Variants in SGCZ observed in about 807,000 individuals in gnomAD.
The protein encoded by SGCZ is zeta-sarcoglycan.
In SGCZ, 40 loss-of-function variants were observed where a neutral mutation model predicts 41.3. The ratio of observed to expected loss-of-function variants is 0.97; its 90% CI spans 0.75 to 1.26. SGCZ has a LOEUF of 1.26. Among genes scored for constraint, SGCZ ranks in the 50% most tolerant of loss-of-function variants. The pLI is 0.00. For synonymous variants in SGCZ, 206 were observed against 137.5 expected (o/e 1.50, Z -3.49); for missense variants, 552 against 369.8 (o/e 1.49, Z -4.04).
In SGCZ at chr8:15,154,632, G is replaced by C. The variant is rs1249920077; in HGVS notation, c.39+82953C>G. Among the ~76,000 whole-genome samples the C allele has an allele frequency of 4.6e-5, 7 of 152,298 alleles. No individual in the cohort carries two copies. In the South Asian group the frequency reaches 1.5e-3, roughly 32 times the overall value. On this transcript the variant is annotated intron_variant, in intron 1 of 7. Transcript: ENST00000382080. Reference sequence around the variant, plus strand: ...ATGCTCTGAGTTGTAAGTAACAGGTGATCAATATTTTGTAAAGAAAATTAA... The same window carrying C: ...ATGCTCTGAGTTGTAAGTAACAGGTCATCAATATTTTGTAAAGAAAATTAA...
At chr8:14,254,935 G>C (rs1201647331) in intron 3 of SGCZ, among the ~76,000 whole-genome samples, 2 of 152,122 alleles carry the variant, frequency 1.3e-5, no homozygotes, top group South Asian at 4.1e-4. Flanking sequence ...ATCTCTTCCT[G>C]ATCCACAAAG....
intron 2 of SGCZ, among the ~76,000 whole-genome samples, chr8:14,525,419 G>T (rs1168577440): frequency 6.6e-6 from 1 of 151,968 alleles, no homozygotes; most frequent in Non-Finnish European, 1.5e-5. Flanking sequence ...TTTTAAAAAA[G>T]ATTATTATGT....
intron 1 of SGCZ, among the ~76,000 whole-genome samples, chr8:14,582,333 C>T (rs62498443): frequency 0.17 from 26,122 of 151,906 alleles, 2,716 homozygotes; most frequent in Non-Finnish European, 0.23. Flanking sequence ...GGGATCAGCA[C>T]CCCTAACCCT....
At chr8:14,162,204 A>C (rs1804068250) in intron 5 of SGCZ, among the ~76,000 whole-genome samples, 1 of 152,182 alleles carries the variant, frequency 6.6e-6, no homozygotes, top group African/African-American at 2.4e-5. Flanking sequence ...TATCAGAAGA[A>C]GTGAAAATTC....
chr8:14,101,292 G>C lies in SGCZ; in HGVS notation c.744+1084C>G, dbSNP rs376873925. 9.2e-5 allele frequency among the ~76,000 whole-genome samples: 11 copies of C among 119,040 alleles called. No individual in the cohort carries two copies. In the South Asian group the frequency reaches 1.4e-3, roughly 16 times the overall value. 78.1% of individuals were successfully genotyped at this position (119,040 alleles called of 152,430 possible). The stretch of plus-strand genomic sequence containing the variant: ...AGAGAAAGAAACTGGGAAGGAGAGG[G>C]TAAGAGATGTGGAAGGTGTGAAAAT... On this transcript the variant is annotated intron_variant, in intron 7 of 7. Coordinates refer to ENST00000382080, the MANE Select transcript of SGCZ (RefSeq NM_139167.4).
At chr8:14,485,581 G>A (rs573746965) in intron 2 of SGCZ, among the ~76,000 whole-genome samples, 2 of 152,164 alleles carry the variant, frequency 1.3e-5, no homozygotes, top group African/African-American at 4.8e-5. Flanking sequence ...CATTAAGGTA[G>A]GCCCTGATGG....
chr8:14,127,496 C>A (rs1442699994), intron 5 of SGCZ, among the ~76,000 whole-genome samples: 3 of 152,080 alleles, frequency 2.0e-5, no homozygotes, highest in Non-Finnish European at 4.4e-5. Context: ...CACTGTGTCA[C>A]CCAGGCTGGA....
intron 1 of SGCZ, among the ~76,000 whole-genome samples, chr8:14,578,044 T>C (rs1188706369): frequency 6.6e-6 from 1 of 152,176 alleles, no homozygotes; most frequent in Non-Finnish European, 1.5e-5. Flanking sequence ...ACTTTCACAA[T>C]CCTTGTGCAC....
chr8:14,810,337 G>C (rs535889751), intron 1 of SGCZ, among the ~76,000 whole-genome samples: 1 of 152,010 alleles, frequency 6.6e-6, no homozygotes, highest in Admixed American at 6.6e-5. Flanking sequence ...TTGAAGCAAT[G>C]AGAAAGATCA....
rs1218649910 is a variant in SGCZ at position 15,097,864 on chromosome 8, G to GTATA, written c.39+139720_39+139721insTATA. On this transcript the variant is annotated intron_variant, in intron 1 of 7. Coordinates refer to ENST00000382080, the MANE Select transcript of SGCZ (RefSeq NM_139167.4). ...TGTGTATATATATATATACGTGTGT[G>GTATA]TGTATATATATATATATACGTGTGT... 3.8e-3 allele frequency among the ~76,000 whole-genome samples: 140 copies of GTATA among 36,638 alleles called. 10 individuals carry two copies. Among genetic ancestry groups the GTATA allele is most frequent in the South Asian group, 0.019 (23 of 1,180 alleles). The allele number at this position is 36,638 out of a possible 152,430, so 24.0% of individuals were successfully genotyped here.
chr8:15,075,349 G>A (rs917786583), intron 1 of SGCZ, among the ~76,000 whole-genome samples: 1 of 152,000 alleles, frequency 6.6e-6, no homozygotes, highest in African/African-American at 2.4e-5. Flanking sequence ...ATTCCCAAAT[G>A]GCATTCATTT....
At chr8:14,659,299 ATT>A (rs1406022005) in intron 1 of SGCZ, among the ~76,000 whole-genome samples, 6 of 152,154 alleles carry the variant, frequency 3.9e-5, no homozygotes, top group Non-Finnish European at 8.8e-5. Context: ...GATTAACCCG[ATT>A]TGATCATCAC....
At chr8:14,823,847 A>G (rs1470210857) in intron 1 of SGCZ, among the ~76,000 whole-genome samples, 18 of 152,324 alleles carry the variant, frequency 1.2e-4, no homozygotes, top group African/African-American at 4.1e-4. Context: ...TAACAGATGA[A>G]TGGGTAAAGA....
chr8:15,132,124 G>C (rs375663520), intron 1 of SGCZ, among the ~76,000 whole-genome samples: 1 of 152,162 alleles, frequency 6.6e-6, no homozygotes, highest in East Asian at 1.9e-4. Flanking sequence ...TTAATTACAA[G>C]TCATTGTCTT....
chr8:14,325,060 C>T (rs772791257), intron 2 of SGCZ, among the ~76,000 whole-genome samples: 4 of 152,014 alleles, frequency 2.6e-5, no homozygotes, highest in Non-Finnish European at 5.9e-5. Context: ...AAAGGAAAGC[C>T]ATACATATAA....
intron 1 of SGCZ, among the ~76,000 whole-genome samples, chr8:15,132,027 T>A (rs745590582): frequency 2.5e-4 from 38 of 152,226 alleles, no homozygotes; most frequent in Non-Finnish European, 4.4e-4. Flanking sequence ...AACAAATGTA[T>A]AATCATAATT....
chr8:14,313,562 C>T (rs1801615199), intron 3 of SGCZ, among the ~76,000 whole-genome samples: 1 of 152,150 alleles, frequency 6.6e-6, no homozygotes, highest in Non-Finnish European at 1.5e-5. Context: ...AATGATCTGC[C>T]TGACCTCAAG....
rs1030297442 is a variant in SGCZ at position 14,941,184 on chromosome 8, T to G, written c.39+296401A>C. Among the ~76,000 whole-genome samples the G allele has an allele frequency of 2.0e-5, 3 of 151,986 alleles. No homozygotes were observed. In the South Asian group the frequency reaches 6.2e-4, roughly 32 times the overall value. On this transcript the variant is annotated intron_variant, in intron 1 of 7. Transcript: ENST00000382080. The stretch of plus-strand genomic sequence containing the variant: ...GAAGTACCACAGGTATTGCAGAAAA[T>G]TTTCCAATATAACTTTCTACATTTT...
At chr8:14,938,289 A>T (rs1362513584) in intron 1 of SGCZ, among the ~76,000 whole-genome samples, 1 of 152,118 alleles carries the variant, frequency 6.6e-6, no homozygotes, top group Non-Finnish European at 1.5e-5. Flanking sequence ...TTGGCCCTTG[A>T]ACAACATACT....
Sources: gnomAD v4.1 joint callset for allele counts (sites outside exome capture counted in the v4.1 genomes callset) on GRCh38, gnomAD v4.1.1 for gene constraint, MANE v1.5 for transcripts, NCBI Gene and HGNC (gene_info 2026-07-23, HGNC 2026-07-21) for gene names.